The following XIRP2 variants were observed in gnomAD, a reference collection of about 807,000 sequenced individuals.
XIRP2 encodes xin actin-binding repeat-containing protein 2.
Under a neutral mutation model 277.0 loss-of-function variants are expected in XIRP2, and 236 were observed. The ratio of observed to expected loss-of-function variants is 0.85; its 90% CI spans 0.77 to 0.95. XIRP2 has a LOEUF of 0.95. Ranked by LOEUF, XIRP2 falls within the 40% of genes least tolerant of loss-of-function variation. The probability of loss-of-function intolerance (pLI) is 0.00; values close to 1 mark genes in which losing one functional copy is unlikely to be tolerated. For missense variants in XIRP2, 4,640 were observed against 4,157.5 expected (o/e 1.12, Z -3.19); for synonymous variants, 1,490 against 1,416.5 (o/e 1.05, Z -1.17).
chr2:166,989,566 A>G (rs1687118449), intron 2 of XIRP2, among the ~76,000 whole-genome samples: 1 of 36,688 alleles, frequency 2.7e-5, no homozygotes, highest in African/African-American at 1.6e-4. Context: ...AGAAGTTGAA[A>G]ACTTTGAAAC....
intron 2 of XIRP2, among the ~76,000 whole-genome samples, chr2:167,116,082 G>C (rs1460851882): frequency 6.6e-6 from 1 of 152,112 alleles, no homozygotes; most frequent in African/African-American, 2.4e-5. Context: ...TACATTCCAA[G>C]GACACTTGAA....
At chr2:166,967,497 G>A (rs989247285) in intron 2 of XIRP2, among the ~76,000 whole-genome samples, 1 of 151,928 alleles carries the variant, frequency 6.6e-6, no homozygotes, top group Non-Finnish European at 1.5e-5. Context: ...CTCTGGAGAA[G>A]TACTGGAGCA....
At chr2:167,061,952 A>G (rs564076915) in intron 2 of XIRP2, among the ~76,000 whole-genome samples, 8 of 152,312 alleles carry the variant, frequency 5.3e-5, no homozygotes, top group African/African-American at 1.9e-4. Context: ...TGGCAGTCCT[A>G]CAAAACTAAT....
In XIRP2 at chr2:167,250,572, T is replaced by C. The variant is rs1202506934; in HGVS notation, c.9180T>C (p.His3060=). 5.0e-6 allele frequency: 8 copies of C among 1,613,458 alleles called. No individual in the cohort carries two copies. The highest frequency in any genetic ancestry group is 1.7e-5 in the Admixed American group (1 of 59,948). Residue 3060 remains histidine, a synonymous_variant, in exon 9 of 11, where the codon CAT becomes CAC. Coordinates refer to ENST00000409195, the MANE Select transcript of XIRP2 (RefSeq NM_152381.6). ...CATCATCCAAAGTATCTAATGTTCATGTCAGCAATAATAAAAATAGTGAAC... is the reference window on the plus strand; with the variant it reads ...CATCATCCAAAGTATCTAATGTTCACGTCAGCAATAATAAAAATAGTGAAC... ...DETSSKVSNV[H]VSNNKNSEQK... is the part of the protein sequence containing the mutation.
chr2:166,970,011 C>G (rs1686536877), intron 2 of XIRP2, among the ~76,000 whole-genome samples: 1 of 151,868 alleles, frequency 6.6e-6, no homozygotes, highest in South Asian at 2.1e-4. Context: ...GCTTTCAGGT[C>G]TGGGTGAATG....
At chr2:167,216,136 A>G (rs1694241665) in intron 4 of XIRP2, among the ~76,000 whole-genome samples, 1 of 119,840 alleles carries the variant, frequency 8.3e-6, no homozygotes, top group Non-Finnish European at 1.7e-5. Flanking sequence ...TCAATTCAAG[A>G]TGGATTAAAG....
intron 3 of XIRP2, among the ~76,000 whole-genome samples, chr2:167,160,479 C>A (rs1692331132): frequency 6.6e-6 from 1 of 152,164 alleles, no homozygotes; most frequent in Non-Finnish European, 1.5e-5. Flanking sequence ...CTTACAGTCC[C>A]ATGTGGTGGG....
intron 2 of XIRP2, among the ~76,000 whole-genome samples, chr2:167,064,019 TGTTAAA>T (rs1438132977): frequency 1.3e-5 from 2 of 151,780 alleles, no homozygotes; most frequent in Admixed American, 6.6e-5. Flanking sequence ...TTTGTTTCTT[TGTTAAA>T]GTTAATCAAA....
At chr2:166,903,980 G>T in intron 2 of XIRP2, 90 bp downstream of exon 2, 1 of 1,432,962 alleles carries the variant, frequency 7.0e-7, no homozygotes. Context: ...CTTTCCCCCC[G>T]CCAGTATTCT....
intron 2 of XIRP2, among the ~76,000 whole-genome samples, chr2:167,100,745 T>G (rs1267311569): frequency 6.6e-6 from 1 of 152,196 alleles, no homozygotes; most frequent in East Asian, 1.9e-4. Context: ...TCTTGTTAGG[T>G]CTGTGTGTGT....
chr2:167,053,541 G>T (rs1346491691), intron 2 of XIRP2, among the ~76,000 whole-genome samples: 1 of 152,008 alleles, frequency 6.6e-6, no homozygotes, highest in Non-Finnish European at 1.5e-5. Flanking sequence ...AATGAAAATG[G>T]GATGATGACT....
rs1695373472 is a variant in XIRP2 at position 167,248,836 on chromosome 2, A to G, written c.7444A>G (p.Ile2482Val). Residue 2482 changes from isoleucine (I) to valine (V), a missense_variant, in exon 9 of 11, where the codon ATT (isoleucine) becomes GTT (valine). By Grantham distance (29) the Ile-to-Val change is conservative. Transcript: ENST00000409195. The part of the protein sequence containing the change: ...SEHTETKQNV[I>V]SKSLDERKQL... ...ACACACGGAGACAAAGCAGAACGTTATTAGTAAGAGTCTTGATGAAAGAAA... is the reference window on the plus strand; with the variant it reads ...ACACACGGAGACAAAGCAGAACGTTGTTAGTAAGAGTCTTGATGAAAGAAA... The G allele has an allele frequency of 6.2e-7, 1 of 1,613,620 alleles. No individual in the cohort carries two copies. Among genetic ancestry groups the G allele is most frequent in the Non-Finnish European group, 8.5e-7 (1 of 1,179,744 alleles).
chr2:166,998,256 TTA>T (rs1465233348), intron 2 of XIRP2, among the ~76,000 whole-genome samples: 1 of 152,028 alleles, frequency 6.6e-6, no homozygotes, highest in African/African-American at 2.4e-5. Context: ...ATCCCAGAAT[TTA>T]AAATAAAACA....
chr2:167,155,709 C>G (rs978528752), intron 3 of XIRP2, among the ~76,000 whole-genome samples: 2 of 151,656 alleles, frequency 1.3e-5, no homozygotes, highest in Non-Finnish European at 2.9e-5. Flanking sequence ...CCCTCTCTCA[C>G]CGCTCCTATT....
Position 167,218,195 on chromosome 2 carries a change from G to T in XIRP2, c.753G>T (p.Val251=), listed in dbSNP as rs77709584. The part of the protein sequence containing the change: ...NMMEESEMCA[V]PGGLAKVKKQ... ...TGGAAGAATCAGAAATGTGCGCAGT[G>T]CCTGGTGGTTTGGCCAAGGTGAAGA... The change falls in exon 5 of 11, where the codon GTG becomes GTT. Residue 251 remains valine, a synonymous_variant. Transcript: ENST00000409195. 5,313 of 1,605,626 alleles carry T rather than the reference G, an allele frequency of 3.3e-3. 216 individuals carry two copies. In the East Asian group the frequency reaches 0.09, roughly 27 times the overall value.
chr2:167,172,123 C>A (rs1692712265), intron 3 of XIRP2, among the ~76,000 whole-genome samples: 2 of 152,084 alleles, frequency 1.3e-5, no homozygotes, highest in Non-Finnish European at 2.9e-5. Flanking sequence ...GGAAAGATTA[C>A]AAATGAGAGA....
At chr2:166,938,472 A>G (rs1685584548) in intron 2 of XIRP2, among the ~76,000 whole-genome samples, 1 of 152,156 alleles carries the variant, frequency 6.6e-6, no homozygotes, top group Non-Finnish European at 1.5e-5. Flanking sequence ...GTTGATTATA[A>G]TTTCTGTTCT....
At chr2:166,994,221 G>A (rs1316918970) in intron 2 of XIRP2, among the ~76,000 whole-genome samples, 3 of 17,468 alleles carry the variant, frequency 1.7e-4, no homozygotes, top group Admixed American at 8.6e-4. Context: ...GTAAACTATC[G>A]CAAGAACAAA....
Position 167,137,721 on chromosome 2 carries a change from T to C in XIRP2, c.562+1659T>C, listed in dbSNP as rs549904007. ...CCTCAAATACACATTTCCAGGTACATTGACAATAACAAGAAGTAAACTTCC... is the reference window on the plus strand; with the variant it reads ...CCTCAAATACACATTTCCAGGTACACTGACAATAACAAGAAGTAAACTTCC... On this transcript the variant is annotated intron_variant, in intron 3 of 10. Transcript: ENST00000409195. Among the ~76,000 whole-genome samples the C allele has an allele frequency of 5.3e-5, 8 of 152,284 alleles. No individual in the cohort carries two copies. In the East Asian group the frequency reaches 1.3e-3, roughly 26 times the overall value.
Sources: allele counts gnomAD v4.1 joint callset (sites outside exome capture counted in the v4.1 genomes callset), GRCh38; gene constraint gnomAD v4.1.1; transcripts MANE v1.5; gene names NCBI Gene and HGNC (gene_info 2026-07-23, HGNC 2026-07-21).